Variants in ZNF148 observed in about 807,000 individuals in gnomAD.
ZNF148 encodes Beta-Enolase Repressor Factor-1.
Under a neutral mutation model 67.7 loss-of-function variants are expected in ZNF148, and 7 were observed. The observed-to-expected ratio is 0.10, with a 90% CI of 0.06 to 0.19. The LOEUF is 0.19. Among genes scored for constraint, ZNF148 ranks in the 10% least tolerant of loss-of-function variants. The pLI, the probability that ZNF148 is intolerant of heterozygous loss-of-function variation, is 1.00. For synonymous variants in ZNF148, 333 were observed against 330.7 expected (o/e 1.01, Z -0.08); for missense variants, 583 against 947.1 (o/e 0.62, Z 5.05).
At chr3:125,298,346 T>TACACACACACACACAC (rs141809192) in intron 4 of ZNF148, among the ~76,000 whole-genome samples, 24,092 of 145,516 alleles carry the variant, frequency 0.17, 2,187 homozygotes, top group Non-Finnish European at 0.19. Context: ...TAAATGTGCA[T>TACACACACACACACAC]ACACACACAC....
At chr3:125,307,250 T>C (rs1020536333) in intron 4 of ZNF148, among the ~76,000 whole-genome samples, 1 of 152,154 alleles carries the variant, frequency 6.6e-6, no homozygotes, top group Non-Finnish European at 1.5e-5. Context: ...AGGATATTCA[T>C]ATGATCATTT....
intron 2 of ZNF148, among the ~76,000 whole-genome samples, chr3:125,328,031 C>T (rs1261944673): frequency 1.3e-5 from 2 of 151,582 alleles, no homozygotes; most frequent in Non-Finnish European, 2.9e-5. Context: ...GAATGTATAC[C>T]TATTCTTCCA....
At chr3:125,242,882 C>G (rs1936431024) in intron 7 of ZNF148, among the ~76,000 whole-genome samples, 1 of 152,178 alleles carries the variant, frequency 6.6e-6, no homozygotes, top group South Asian at 2.1e-4. Context: ...TGTGACTGTT[C>G]ATAAGCCAGA....
At chr3:125,374,893 A>C (rs1579936128) in intron 1 of ZNF148, among the ~76,000 whole-genome samples, 8 of 141,800 alleles carry the variant, frequency 5.6e-5, no homozygotes, top group South Asian at 2.3e-4. Flanking sequence ...CAACCCCCCA[A>C]CCCACCCTCC....
intron 1 of ZNF148, among the ~76,000 whole-genome samples, chr3:125,345,268 A>G (rs1485131051): frequency 1.3e-5 from 2 of 152,220 alleles, no homozygotes; most frequent in Non-Finnish European, 2.9e-5. Context: ...ATAGAGCAAT[A>G]AACAACACAC....
At chr3:125,309,877 A>C (rs1940104439) in intron 4 of ZNF148, among the ~76,000 whole-genome samples, 1 of 152,332 alleles carries the variant, frequency 6.6e-6, no homozygotes, top group South Asian at 2.1e-4. Flanking sequence ...GCTCGCACGT[A>C]ACATTTCACC....
intron 1 of ZNF148, chr3:125,339,008 T>A (rs1242437904): frequency 6.6e-6 from 1 of 152,180 alleles, no homozygotes; most frequent in Non-Finnish European, 1.5e-5. Context: ...AATTAGAGAA[T>A]ACTAAGAAGT....
At chr3:125,266,502 A>G (rs912814776) in intron 7 of ZNF148, among the ~76,000 whole-genome samples, 1 of 152,242 alleles carries the variant, frequency 6.6e-6, no homozygotes, top group African/African-American at 2.4e-5. Flanking sequence ...CAAGGCAGAA[A>G]TCAAAATATT....
intron 1 of ZNF148, among the ~76,000 whole-genome samples, chr3:125,342,569 A>T (rs1579854021): frequency 6.6e-6 from 1 of 151,878 alleles, no homozygotes; most frequent in Admixed American, 6.6e-5. Context: ...AAATAAAAGT[A>T]TATTCTCAAA....
intron 2 of ZNF148, among the ~76,000 whole-genome samples, chr3:125,329,344 ATTTTACATATATAAAATTTTTTTT>A (rs1559760683): frequency 2.4e-4 from 3 of 12,638 alleles, no homozygotes; most frequent in Non-Finnish European, 5.3e-4. Context: ...TATATATAAA[ATTTTACATATATAAAATTTTTTTT>A]TTTTTTTTTT....
At chr3:125,344,329 G>T (rs1941855617) in intron 1 of ZNF148, 3 of 537,542 alleles carry the variant, frequency 5.6e-6, no homozygotes, top group Non-Finnish European at 6.8e-6. Flanking sequence ...AACAAATCTT[G>T]TATCAAAAGA....
At chr3:125,374,326 T>C (rs954088318) in intron 1 of ZNF148, among the ~76,000 whole-genome samples, 1 of 148,116 alleles carries the variant, frequency 6.8e-6, no homozygotes, top group African/African-American at 2.4e-5. Context: ...TTATTAATTA[T>C]ACTACATCTG....
chr3:125,339,175 G>A (rs1315075121), intron 1 of ZNF148, among the ~76,000 whole-genome samples: 1 of 152,070 alleles, frequency 6.6e-6, no homozygotes, highest in Non-Finnish European at 1.5e-5. Context: ...ACCATCCCCA[G>A]CCAGAAACAC....
rs114741356 is a variant in ZNF148, at chr3:125,284,055, A to G, written c.459+4048T>C. ...ATAAATGAAAAGAGAGATACATTTCAGAATAAAGAGAAGGAATTAAAAATA... is the reference window on the plus strand; with the variant it reads ...ATAAATGAAAAGAGAGATACATTTCGGAATAAAGAGAAGGAATTAAAAATA... On this transcript the variant is annotated intron_variant, in intron 5 of 8. Transcript: ENST00000360647. Among the ~76,000 whole-genome samples the G allele has an allele frequency of 4.2e-3, 640 of 152,314 alleles. 4 individuals are homozygous for G. Among genetic ancestry groups the G allele is most frequent in the African/African-American group, 0.014 (580 of 41,588 alleles).
At chr3:125,336,398 T>C (rs1445680423) in intron 1 of ZNF148, among the ~76,000 whole-genome samples, 5 of 152,186 alleles carry the variant, frequency 3.3e-5, no homozygotes, top group Non-Finnish European at 7.4e-5. Context: ...AATGATGTTT[T>C]AAAAAGAATA....
At chr3:125,335,903 T>G (rs760508109) in intron 1 of ZNF148, among the ~76,000 whole-genome samples, 3 of 152,168 alleles carry the variant, frequency 2.0e-5, no homozygotes, top group Non-Finnish European at 2.9e-5. Context: ...TTGCTAAAGA[T>G]GAAGTTTTAT....
chr3:125,275,220 ACTTTT>A (rs1358615995), intron 7 of ZNF148, among the ~76,000 whole-genome samples: 1 of 152,128 alleles, frequency 6.6e-6, no homozygotes, highest in East Asian at 1.9e-4. Flanking sequence ...CTTCAAAAGA[ACTTTT>A]CTTTGTTAAG....
At chr3:125,332,152 A>G (rs1051297474) in intron 1 of ZNF148, among the ~76,000 whole-genome samples, 3 of 152,222 alleles carry the variant, frequency 2.0e-5, no homozygotes, top group Non-Finnish European at 2.9e-5. Flanking sequence ...TTTATCAAGG[A>G]CTACAAACAG....
At position 125,226,298 on chromosome 3, in the gene ZNF148, T is replaced by C. The variant is rs1349711484; in HGVS notation, c.*6043A>G. 6.6e-6 allele frequency: 1 copy of C among 152,484 alleles called. No individual in the cohort carries two copies. The highest frequency in any genetic ancestry group is 1.5e-5 in the Non-Finnish European group (1 of 68,038). 9.4% of individuals were successfully genotyped at this position (152,484 alleles called of 1,614,324 possible). On this transcript the variant is annotated 3_prime_UTR_variant, in exon 9 of 9. Coordinates refer to ENST00000360647, the MANE Select transcript of ZNF148 (RefSeq NM_021964.3). ...TTACGGTTATATCTATGCACCATGA[T>C]TTTTGCATATTTACCATTCGTTATT...
Sources: allele counts gnomAD v4.1 joint callset (sites outside exome capture counted in the v4.1 genomes callset), GRCh38; gene constraint gnomAD v4.1.1; transcripts MANE v1.5; gene names NCBI Gene and HGNC (gene_info 2026-07-23, HGNC 2026-07-21).